The following PTK2 variants were observed in gnomAD, a reference collection of about 807,000 sequenced individuals.
PTK2 encodes the protein focal adhesion kinase 1.
A neutral mutation model predicts 150.1 loss-of-function variants in PTK2; 45 were observed. That is an observed-to-expected ratio of 0.30 (90% CI 0.24 to 0.38). The LOEUF is 0.38. Ranked by LOEUF, PTK2 falls within the 10% of genes least tolerant of loss-of-function variation. The pLI, the probability that PTK2 is intolerant of heterozygous loss-of-function variation, is 1.00. For missense variants in PTK2, 919 were observed against 1,307.3 expected, an observed-to-expected ratio of 0.70 and a Z score of 4.58; for synonymous variants, 432 against 449.2, an observed-to-expected ratio of 0.96 and a Z score of 0.48.
intron 4 of PTK2, among the ~76,000 whole-genome samples, chr8:140,871,813 A>T (rs1036025066): frequency 1.3e-5 from 2 of 152,154 alleles, no homozygotes; most frequent in African/African-American, 4.8e-5. Context: ...CAGGAGTTTA[A>T]GGCTACAGCG....
At chr8:140,856,746 T>C (rs1380134871) in intron 5 of PTK2, among the ~76,000 whole-genome samples, 2 of 152,170 alleles carry the variant, frequency 1.3e-5, no homozygotes, top group African/African-American at 2.4e-5. Flanking sequence ...AATAAATGTA[T>C]ACTTAATATT....
intron 1 of PTK2, among the ~76,000 whole-genome samples, chr8:140,956,474 T>C (rs1197567318): frequency 6.6e-6 from 1 of 152,264 alleles, no homozygotes; most frequent in Non-Finnish European, 1.5e-5. Flanking sequence ...TAACACTTGA[T>C]AAACAATTAT....
chr8:140,756,849 C>T (rs565267886), intron 16 of PTK2, among the ~76,000 whole-genome samples: 3 of 146,542 alleles, frequency 2.0e-5, no homozygotes, highest in East Asian at 2.1e-4. Flanking sequence ...ATTAGCCGGG[C>T]GTGGTGGTGG....
At chr8:140,913,015 C>T (rs1472399412) in intron 2 of PTK2, among the ~76,000 whole-genome samples, 1 of 152,106 alleles carries the variant, frequency 6.6e-6, no homozygotes, top group African/African-American at 2.4e-5. Flanking sequence ...ACAAACTTAA[C>T]ACTGAACATG....
Position 140,725,616 on chromosome 8 carries a change from C to T in PTK2, c.2031-7907G>A, listed in dbSNP as rs748443923. Among the ~76,000 whole-genome samples the T allele has an allele frequency of 2.6e-4, 40 of 152,144 alleles. 1 individual carries two copies. Among genetic ancestry groups the T allele is most frequent in the Admixed American group, 5.2e-4 (8 of 15,280 alleles). ...ATCGGAAAAAAGTGAAGGGAGAAATCCCAGAATGAAGACAGGCAGAGAAGG... is the reference window on the plus strand; with the variant it reads ...ATCGGAAAAAAGTGAAGGGAGAAATTCCAGAATGAAGACAGGCAGAGAAGG... On this transcript the variant is annotated intron_variant, in intron 22 of 31. Transcript: ENST00000522684.
intron 29 of PTK2, chr8:140,669,340 T>TATACATATATATATATATAC (rs1377363515): frequency 3.8e-5 from 5 of 132,844 alleles, no homozygotes; most frequent in African/African-American, 9.0e-5. Context: ...TATATATATA[T>TATACATATATATATATATAC]ACACTTTTTA....
intron 27 of PTK2, among the ~76,000 whole-genome samples, chr8:140,681,193 C>T (rs568451466): frequency 1.3e-5 from 2 of 151,234 alleles, no homozygotes; most frequent in East Asian, 2.0e-4. Context: ...GGTGAAACCC[C>T]GTCTCTACTA....
exon 11 of PTK2, chr8:140,803,624 T>C (rs758065237): frequency 1.9e-6 from 3 of 1,614,006 alleles, no homozygotes; most frequent in South Asian, 2.2e-5. Flanking sequence ...TGGTTTGCAC[T>C]TGAGTGAAGT....
chr8:140,751,761 G>T (rs1041988634), intron 17 of PTK2: 1 of 356,472 alleles, frequency 2.8e-6, no homozygotes, highest in Non-Finnish European at 5.5e-6. Flanking sequence ...CAAAGTGCTA[G>T]GATTACAAGC....
intron 16 of PTK2, among the ~76,000 whole-genome samples, chr8:140,756,096 A>G (rs1309008042): frequency 1.3e-5 from 2 of 151,680 alleles, no homozygotes; most frequent in South Asian, 2.1e-4. Context: ...AGGCCGGGGC[A>G]GGTGGGTCCC....
intron 1 of PTK2, among the ~76,000 whole-genome samples, chr8:140,970,877 A>G (rs145798938): frequency 2.8e-5 from 4 of 143,566 alleles, no homozygotes; most frequent in Admixed American, 2.1e-4. Context: ...TACAACAGAC[A>G]AAGAAATATG....
intron 23 of PTK2, among the ~76,000 whole-genome samples, chr8:140,713,528 C>G (rs1414589078): frequency 6.6e-6 from 1 of 152,136 alleles, no homozygotes; most frequent in African/African-American, 2.4e-5. Context: ...CAAATAATAT[C>G]TTAACATAAT....
chr8:140,955,971 A>G (rs2100181061), intron 1 of PTK2, among the ~76,000 whole-genome samples: 1 of 152,220 alleles, frequency 6.6e-6, no homozygotes. Context: ...AAAGGAGAGC[A>G]TCCTTAGACA....
intron 24 of PTK2, among the ~76,000 whole-genome samples, chr8:140,704,168 AAGG>A (rs1187527075): frequency 6.6e-6 from 1 of 152,162 alleles, no homozygotes; most frequent in Non-Finnish European, 1.5e-5. Context: ...TTTTCACAAC[AAGG>A]AGGTTTAAAA....
intron 15 of PTK2, 124 bp from the exon 18 acceptor site, chr8:140,762,512 A>G: frequency 3.0e-6 from 1 of 336,322 alleles, no homozygotes; most frequent in Non-Finnish European, 4.4e-6. Flanking sequence ...AAATATTTTA[A>G]GCACAAATAT....
chr8:140,931,618 T>C (rs2100171802), intron 1 of PTK2, among the ~76,000 whole-genome samples: 1 of 152,116 alleles, frequency 6.6e-6, no homozygotes, highest in Non-Finnish European at 1.5e-5. Flanking sequence ...CTATAGATTT[T>C]CTTGCATAAA....
intron 26 of PTK2, among the ~76,000 whole-genome samples, chr8:140,698,085 CT>C (rs1344935053): frequency 6.6e-6 from 1 of 152,070 alleles, no homozygotes; most frequent in Non-Finnish European, 1.5e-5. Flanking sequence ...CCAATTTCTC[CT>C]TTAAGCTTTG....
intron 2 of PTK2, among the ~76,000 whole-genome samples, chr8:140,925,251 A>G (rs2100169033): frequency 6.6e-6 from 1 of 152,230 alleles, no homozygotes; most frequent in African/African-American, 2.4e-5. Flanking sequence ...TTATACATGC[A>G]TACTTCTAAA....
At chr8:140,972,240 T>G (rs1487441812) in intron 1 of PTK2, among the ~76,000 whole-genome samples, 1 of 152,120 alleles carries the variant, frequency 6.6e-6, no homozygotes, top group African/African-American at 2.4e-5. Context: ...TTATGCTCAA[T>G]TGTTTTTATT....
Sources: gnomAD v4.1 joint callset for allele counts (sites outside exome capture counted in the v4.1 genomes callset) on GRCh38, gnomAD v4.1.1 for gene constraint, MANE v1.5 for transcripts, NCBI Gene and HGNC (gene_info 2026-07-23, HGNC 2026-07-21) for gene names.